Variants in WDTC1 observed in about 807,000 individuals in gnomAD.
The protein encoded by WDTC1 is WD and tetratricopeptide repeats protein 1.
WDTC1 carries 12 observed loss-of-function variants against 76.0 expected under a neutral mutation model. That is an observed-to-expected ratio of 0.16 (90% CI 0.10 to 0.26). WDTC1 has a LOEUF of 0.26. WDTC1 is among the 10% of genes least tolerant of loss of function. The probability of loss-of-function intolerance (pLI) is 1.00; values close to 1 mark genes in which losing one functional copy is unlikely to be tolerated. For missense variants in WDTC1, 511 were observed against 908.8 expected (o/e 0.56, Z 5.63); for synonymous variants, 326 against 350.8 (o/e 0.93, Z 0.79).
At position 27,254,335 on chromosome 1, in the gene WDTC1, G is replaced by A. The variant is rs1253872826; in HGVS notation, c.-99-6621G>A. Among the ~76,000 whole-genome samples, 3 of 152,054 alleles carry A rather than the reference G, an allele frequency of 2.0e-5. No homozygotes were observed. In the East Asian group the frequency reaches 5.8e-4, roughly 29 times the overall value. On this transcript the variant is annotated intron_variant, in intron 1 of 15. Coordinates refer to ENST00000319394, the MANE Select transcript of WDTC1 (RefSeq NM_001276252.2). ...AACCAGGCCAGGCGTGGTGGCTCAC[G>A]CCTGTAATCCCAGCACTTTGGGAAG...
At chr1:27,294,665 A>G in intron 9 of WDTC1, 36 bp downstream of exon 9, 1 of 1,584,320 alleles carries the variant, frequency 6.3e-7, no homozygotes, top group Non-Finnish European at 8.7e-7. Flanking sequence ...CCCCATCACC[A>G]TTCCATGCCC....
intron 13 of WDTC1, among the ~76,000 whole-genome samples, chr1:27,302,939 G>A (rs1299399594): frequency 6.6e-6 from 1 of 152,054 alleles, no homozygotes; most frequent in Non-Finnish European, 1.5e-5. Flanking sequence ...GAGGGTAAGG[G>A]CATGGTCCTT....
intron 5 of WDTC1, among the ~76,000 whole-genome samples, chr1:27,284,225 TGGA>T (rs1431016795): frequency 1.4e-4 from 22 of 152,106 alleles, no homozygotes; most frequent in African/African-American, 4.8e-4. Flanking sequence ...AATGGGCCCC[TGGA>T]GGAGATGAGT....
chr1:27,305,225 C>G lies in WDTC1; in HGVS notation c.1836+32C>G. On this transcript the variant is annotated intron_variant, in intron 15 of 15. Transcript: ENST00000319394. The surrounding 1 kb of genome is among the most constrained non-coding windows in gnomAD (Gnocchi z 4.6). ...GTGCAGAGCCAAGCAGAGAGGAGGG[C>G]AGGGACTCTGTGGAAGGCTCCAGTG... The G allele has an allele frequency of 1.2e-6, 2 of 1,602,470 alleles. No individual in the cohort carries two copies. Among genetic ancestry groups the G allele is most frequent in the Non-Finnish European group, 1.7e-6 (2 of 1,174,608 alleles).
At chr1:27,245,656 G>A (rs1393106895) in intron 1 of WDTC1, among the ~76,000 whole-genome samples, 14 of 150,676 alleles carry the variant, frequency 9.3e-5, no homozygotes, top group Admixed American at 4.0e-4. Flanking sequence ...TGCAACCTCC[G>A]CCTCCCGGGT....
intron 1 of WDTC1, among the ~76,000 whole-genome samples, chr1:27,245,559 G>GTT (rs1030225009): frequency 1.4e-5 from 2 of 143,890 alleles, no homozygotes; most frequent in African/African-American, 2.6e-5. Flanking sequence ...GTTTTTTTTG[G>GTT]TTTTTTTTTT....
At chr1:27,272,933 A>G (rs1197380262) in intron 3 of WDTC1, among the ~76,000 whole-genome samples, 1 of 152,192 alleles carries the variant, frequency 6.6e-6, no homozygotes, top group Non-Finnish European at 1.5e-5. Context: ...CTACATATAT[A>G]GAAATTTGTA....
At position 27,307,593 on chromosome 1, in the gene WDTC1, TCTC is replaced by T. The variant is rs554409972; in HGVS notation, c.*1214_*1216del. 233 of 152,754 alleles carry T rather than the reference TCTC, an allele frequency of 1.5e-3. No individual in the cohort carries two copies. Among genetic ancestry groups the T allele is most frequent in the Middle Eastern group, 6.7e-3 (2 of 298 alleles). The allele number at this position is 152,754 out of a possible 1,614,324, so 9.5% of individuals were successfully genotyped here. On this transcript the variant is annotated 3_prime_UTR_variant, in exon 16 of 16. Coordinates refer to ENST00000319394, the MANE Select transcript of WDTC1 (RefSeq NM_001276252.2). This position sits in a 1 kb window ranked among gnomAD's most constrained non-coding sequence, Gnocchi z 4.1. Reference sequence around the variant, plus strand: ...GCCCCTGGGGAAAAGCAGCCTCCCTTCTCCTCTCCCTCCACTCCCTCGCTCCCT... The same window carrying T: ...GCCCCTGGGGAAAAGCAGCCTCCCTTCTCTCCCTCCACTCCCTCGCTCCCT...
chr1:27,237,352 T>A (rs998070336), intron 1 of WDTC1, among the ~76,000 whole-genome samples: 3 of 152,218 alleles, frequency 2.0e-5, no homozygotes, highest in African/African-American at 7.2e-5. Context: ...AAACAGAACA[T>A]GTAATCTGGT....
In WDTC1 at chr1:27,298,427, T is replaced by C. The variant is rs182847408; in HGVS notation, c.1232+316T>C. On this transcript the variant is annotated intron_variant, in intron 12 of 15. Coordinates refer to ENST00000319394, the MANE Select transcript of WDTC1 (RefSeq NM_001276252.2). ...TGGGGAAGTATGAGTTGAGGACTGT[T>C]AGTCCCAACTGTTGGAGAATTGGAC... Among the ~76,000 whole-genome samples, 651 of 152,352 alleles carry C rather than the reference T, an allele frequency of 4.3e-3. 22 individuals carry two copies. Among genetic ancestry groups the C allele is most frequent in the Admixed American group, 0.038 (586 of 15,308 alleles).
chr1:27,281,223 A>C (rs370408900), intron 3 of WDTC1, among the ~76,000 whole-genome samples: 3 of 152,118 alleles, frequency 2.0e-5, no homozygotes, highest in African/African-American at 7.2e-5. Context: ...GCACTTTGGG[A>C]GGCCGAGGCG....
intron 3 of WDTC1, among the ~76,000 whole-genome samples, chr1:27,279,519 A>G: frequency 6.6e-6 from 1 of 152,186 alleles, no homozygotes; most frequent in East Asian, 1.9e-4. Context: ...TCTTTCTCCA[A>G]TATAGTTCAC....
intron 3 of WDTC1, among the ~76,000 whole-genome samples, chr1:27,264,219 C>T (rs187937426): frequency 3.3e-5 from 5 of 152,044 alleles, no homozygotes; most frequent in Admixed American, 1.3e-4. Flanking sequence ...ACCCAGGAGG[C>T]GGAAGTTGCA....
intron 3 of WDTC1, among the ~76,000 whole-genome samples, chr1:27,275,701 A>G (rs1376021496): frequency 6.6e-6 from 1 of 152,080 alleles, no homozygotes; most frequent in Non-Finnish European, 1.5e-5. Context: ...TGTCCTTTAA[A>G]TCCAGATCAG....
At chr1:27,278,260 T>C (rs943472943) in intron 3 of WDTC1, among the ~76,000 whole-genome samples, 2 of 152,186 alleles carry the variant, frequency 1.3e-5, no homozygotes, top group Non-Finnish European at 1.5e-5. Flanking sequence ...AATGGTAGAA[T>C]TGAGTAGTAG....
At chr1:27,265,171 C>A (rs951891809) in intron 3 of WDTC1, among the ~76,000 whole-genome samples, 1 of 152,136 alleles carries the variant, frequency 6.6e-6, no homozygotes. Context: ...AAGATATACA[C>A]AGTTACCTGA....
At chr1:27,258,004 T>C (rs897351834) in intron 1 of WDTC1, among the ~76,000 whole-genome samples, 2 of 151,954 alleles carry the variant, frequency 1.3e-5, no homozygotes, top group South Asian at 4.2e-4. Context: ...TTGGCCAGGC[T>C]GGTCTCAAAC....
At chr1:27,267,366 CT>C (rs1481367297) in intron 3 of WDTC1, among the ~76,000 whole-genome samples, 1 of 152,020 alleles carries the variant, frequency 6.6e-6, no homozygotes, top group African/African-American at 2.4e-5. Flanking sequence ...GTGCCTCAGC[CT>C]TCTGAGTAGC....
intron 1 of WDTC1, among the ~76,000 whole-genome samples, chr1:27,260,675 A>G (rs890364829): frequency 1.3e-5 from 2 of 152,234 alleles, no homozygotes; most frequent in Non-Finnish European, 2.9e-5. Flanking sequence ...AGGATATGCT[A>G]CCATTATCCT....
Sources: gnomAD v4.1 joint callset for allele counts (sites outside exome capture counted in the v4.1 genomes callset) on GRCh38, gnomAD v4.1.1 for gene constraint, Gnocchi (gnomAD v3.1) non-coding constraint, MANE v1.5 for transcripts, NCBI Gene and HGNC (gene_info 2026-07-23, HGNC 2026-07-21) for gene names.